DOT1L: variants seen among roughly 807,000 people sequenced by gnomAD.
DOT1L encodes the protein histone-lysine N-methyltransferase, H3 lysine-79 specific.
Under a neutral mutation model 153.3 loss-of-function variants are expected in DOT1L, and 33 were observed. That is an observed-to-expected ratio of 0.22 (90% confidence interval 0.16 to 0.29). DOT1L has a LOEUF of 0.29. DOT1L is among the 10% of genes least tolerant of loss of function. DOT1L has a pLI of 1.00. For missense variants in DOT1L, 1,847 were observed against 2,119.9 expected (o/e 0.87, Z 2.53); for synonymous variants, 1,135 against 965.1 (o/e 1.18, Z -3.26).
intron 1 of DOT1L, among the ~76,000 whole-genome samples, chr19:2,169,951 G>A (rs1023704812): frequency 2.6e-5 from 4 of 152,214 alleles, no homozygotes; most frequent in Non-Finnish European, 5.9e-5. Context: ...GCGGTCAGGA[G>A]TTCGAGACCA....
At chr19:2,166,011 C>T (rs984876651) in intron 1 of DOT1L, among the ~76,000 whole-genome samples, 1 of 152,028 alleles carries the variant, frequency 6.6e-6, no homozygotes, top group Admixed American at 6.6e-5. Flanking sequence ...ACTTCGTGAT[C>T]CACCCACCTC....
chr19:2,224,502 C>T (rs1435378622), intron 25 of DOT1L, among the ~76,000 whole-genome samples: 3 of 134,352 alleles, frequency 2.2e-5, no homozygotes, highest in East Asian at 2.2e-4. Flanking sequence ...GAGTTTTGGT[C>T]TGTGGCCCAG....
rs2024323447 is a variant in DOT1L, at chr19:2,226,230, A to G, written c.3709A>G (p.Asn1237Asp). The G allele has an allele frequency of 6.5e-7, 1 of 1,550,036 alleles. No homozygotes were observed. The highest frequency in any genetic ancestry group is 1.4e-5 in the African/African-American group (1 of 72,836). The change falls in exon 27 of 28, where the codon AAT (asparagine) becomes GAT (aspartate). Residue 1237 changes from asparagine (N) to aspartate (D), a missense_variant. By Grantham distance (23) the Asn-to-Asp change is conservative. This residue lies in a region of DOT1L where 934 missense variants were observed against 825.3 expected (regional missense o/e 1.13). Transcript: ENST00000398665. ...GCCCGCGCCCGCCGGCGAGCCAGTC[A>G]ATAGCAGCAAGTGGAAGTCCACCTT... ...RKPAPAGEPV[N>D]SSKWKSTFSP...
chr19:2,191,505 G>A lies in DOT1L; in HGVS notation c.493+265G>A, dbSNP rs927220499. 2.0e-5 allele frequency among the ~76,000 whole-genome samples: 3 copies of A among 151,994 alleles called. No homozygotes were observed. Among genetic ancestry groups the A allele is most frequent in the African/African-American group, 4.8e-5 (2 of 41,362 alleles). On this transcript the variant is annotated intron_variant, in intron 5 of 27. Coordinates refer to ENST00000398665, the MANE Select transcript of DOT1L (RefSeq NM_032482.3). The surrounding 1 kb of genome is among the most constrained non-coding windows in gnomAD (Gnocchi z 6.8). ...CCAGGTGCCCGGAGACTCTGCTTTC[G>A]TCCTGCTTCCCACCAGCTGGGGAGC...
intron 2 of DOT1L, among the ~76,000 whole-genome samples, chr19:2,181,975 C>T (rs556823001): frequency 7.2e-5 from 11 of 152,174 alleles, no homozygotes; most frequent in Admixed American, 2.6e-4. Flanking sequence ...ATAATCCCAG[C>T]GCTTTGGAAG....
intron 1 of DOT1L, 120 bp downstream of exon 1, chr19:2,164,385 A>T: frequency 3.3e-6 from 2 of 597,280 alleles, no homozygotes; most frequent in Non-Finnish European, 4.7e-6. Flanking sequence ...GAGACCCTGG[A>T]CTCCACTGTC....
At chr19:2,224,274 G>T (rs112243051) in intron 25 of DOT1L, among the ~76,000 whole-genome samples, 44 of 152,124 alleles carry the variant, frequency 2.9e-4, no homozygotes, top group Non-Finnish European at 5.0e-4. Flanking sequence ...GTTTCCTGGT[G>T]CCTGGGCGGA....
intron 1 of DOT1L, among the ~76,000 whole-genome samples, chr19:2,171,057 G>A (rs774400390): frequency 4.6e-5 from 7 of 152,184 alleles, no homozygotes; most frequent in Admixed American, 1.3e-4. Flanking sequence ...CCGCCTCCCA[G>A]GCTGAAAGGA....
Position 2,211,222 on chromosome 19 carries a change from T to C in DOT1L, c.1465+10T>C, listed in dbSNP as rs73516508. On this transcript the variant is annotated intron_variant, in intron 15 of 27. Transcript: ENST00000398665. Reference sequence around the variant, plus strand: ...CTGCAGAAGCTTCTAGGTGAGCCCGTGTGAGGCGTCCGGCGAAGGGTTCTG... The same window carrying C: ...CTGCAGAAGCTTCTAGGTGAGCCCGCGTGAGGCGTCCGGCGAAGGGTTCTG... 7.3e-3 allele frequency: 11,683 copies of C among 1,593,038 alleles called. 571 individuals are homozygous for C. In the African/African-American group the frequency reaches 0.12, roughly 17 times the overall value.
At chr19:2,198,590 TC>T (rs1425914033) in intron 7 of DOT1L, among the ~76,000 whole-genome samples, 1 of 152,132 alleles carries the variant, frequency 6.6e-6, no homozygotes, top group East Asian at 1.9e-4. Context: ...GGGGACTCCG[TC>T]CCCATCCTGA....
At chr19:2,214,292 TG>T (rs1314947966) in intron 18 of DOT1L, 178 bp from the exon 19 acceptor site, 6 of 1,093,736 alleles carry the variant, frequency 5.5e-6, no homozygotes, top group Admixed American at 2.8e-5. Context: ...CATCTGTCCG[TG>T]GGGGGCCCCA....
At chr19:2,187,859 T>C (rs938470324) in intron 3 of DOT1L, among the ~76,000 whole-genome samples, 4 of 151,010 alleles carry the variant, frequency 2.6e-5, no homozygotes, top group African/African-American at 7.3e-5. Context: ...GAGGCGGAGC[T>C]TGCAGTGAGC....
At chr19:2,224,056 G>C (rs948332108) in intron 25 of DOT1L, among the ~76,000 whole-genome samples, 2 of 152,130 alleles carry the variant, frequency 1.3e-5, no homozygotes, top group Admixed American at 1.3e-4. Context: ...GACCTCCTAG[G>C]AGCGGAGTCA....
At chr19:2,189,094 G>A (rs887651912) in intron 3 of DOT1L, among the ~76,000 whole-genome samples, 9 of 152,092 alleles carry the variant, frequency 5.9e-5, no homozygotes, top group African/African-American at 1.7e-4. Context: ...CTGCTGTGCC[G>A]TGTCTGACAT....
chr19:2,173,136 C>G (rs775557696), intron 1 of DOT1L, among the ~76,000 whole-genome samples: 10 of 152,282 alleles, frequency 6.6e-5, no homozygotes, highest in African/African-American at 2.4e-4. Context: ...TCTCCCCTAG[C>G]GTCCTGGAGC....
Position 2,211,746 on chromosome 19 carries a change from C to A in DOT1L, c.1466-5C>A. Reference sequence around the variant, plus strand: ...TTCTCACCTGTGTTCCGCCTCTCTTCCCAGAGTCCTTCAAGATCCAGTACC... The same window carrying A: ...TTCTCACCTGTGTTCCGCCTCTCTTACCAGAGTCCTTCAAGATCCAGTACC... On this transcript the variant is annotated splice_region_variant and splice_polypyrimidine_tract_variant and intron_variant, in intron 15 of 27. Coordinates refer to ENST00000398665, the MANE Select transcript of DOT1L (RefSeq NM_032482.3). The A allele has an allele frequency of 6.4e-7, 1 of 1,559,182 alleles. No individual in the cohort carries two copies. The highest frequency in any genetic ancestry group is 1.2e-5 in the South Asian group (1 of 84,536).
intron 12 of DOT1L, 119 bp downstream of exon 12, chr19:2,209,095 C>A: frequency 8.7e-7 from 1 of 1,146,756 alleles, no homozygotes; most frequent in Non-Finnish European, 1.2e-6. Context: ...TGCCGCCCCT[C>A]GGGGCCCGGC....
At chr19:2,167,933 C>T (rs1419044748) in intron 1 of DOT1L, among the ~76,000 whole-genome samples, 6 of 152,024 alleles carry the variant, frequency 3.9e-5, no homozygotes, top group Non-Finnish European at 8.8e-5. Context: ...CAGGGTTTCA[C>T]CATATTGGCC....
chr19:2,174,604 A>T (rs1421490201), intron 1 of DOT1L, among the ~76,000 whole-genome samples: 1 of 152,086 alleles, frequency 6.6e-6, no homozygotes, highest in Non-Finnish European at 1.5e-5. Flanking sequence ...GAGAATCGCA[A>T]AAGCTAAGAT....
Sources: allele counts gnomAD v4.1 joint callset (sites outside exome capture counted in the v4.1 genomes callset), GRCh38; gene constraint gnomAD v4.1.1; regional missense constraint gnomAD v4.1.1; non-coding constraint Gnocchi (gnomAD v3.1); transcripts MANE v1.5; gene names NCBI Gene and HGNC (gene_info 2026-07-23, HGNC 2026-07-21).